Variants in SYNPO2 observed in about 807,000 individuals in gnomAD.
The protein encoded by SYNPO2 is synaptopodin-2.
In SYNPO2, 56 loss-of-function variants were observed where a neutral mutation model predicts 85.0. The observed-to-expected ratio is 0.66, with a 90% CI of 0.53 to 0.82. SYNPO2 has a LOEUF of 0.82. SYNPO2 is among the 40% of genes least tolerant of loss of function. The pLI is 0.00. For missense variants in SYNPO2, 1,575 were observed against 1,534.2 expected (o/e 1.03, Z -0.44); for synonymous variants, 602 against 591.1 (o/e 1.02, Z -0.27).
At chr4:119,036,274 T>C in intron 4 of SYNPO2, 5 of 985,434 alleles carry the variant, frequency 5.1e-6, no homozygotes, top group Non-Finnish European at 6.0e-6. Flanking sequence ...CTCTTTAAAA[T>C]CAGGGTTGTT....
chr4:118,935,994 A>G (rs1383920137), intron 1 of SYNPO2, among the ~76,000 whole-genome samples: 1 of 152,140 alleles, frequency 6.6e-6, no homozygotes, highest in East Asian at 1.9e-4. Context: ...CAGAAGGGGA[A>G]GCAGGAGAGG....
chr4:118,938,291 G>T (rs1197576135), intron 1 of SYNPO2, among the ~76,000 whole-genome samples: 1 of 152,134 alleles, frequency 6.6e-6, no homozygotes. Flanking sequence ...CTGTACTCCA[G>T]TCTGGCTGAC....
chr4:118,924,231 G>A (rs1733638327), intron 1 of SYNPO2, among the ~76,000 whole-genome samples: 2 of 152,134 alleles, frequency 1.3e-5, no homozygotes, highest in African/African-American at 4.8e-5. Flanking sequence ...CCTTATTCCA[G>A]GACTGTACAT....
At chr4:118,946,769 A>G (rs542489037) in intron 1 of SYNPO2, among the ~76,000 whole-genome samples, 2 of 152,258 alleles carry the variant, frequency 1.3e-5, no homozygotes, top group Non-Finnish European at 2.9e-5. Context: ...CAAATCCAAG[A>G]TAAAATAATT....
chr4:118,940,088 C>T (rs1267463476), intron 1 of SYNPO2, among the ~76,000 whole-genome samples: 2 of 150,864 alleles, frequency 1.3e-5, no homozygotes, highest in Non-Finnish European at 2.9e-5. Context: ...CGGGTTCAAG[C>T]GATTCTCCTG....
At chr4:119,029,152 C>A (rs368007462) in intron 3 of SYNPO2, among the ~76,000 whole-genome samples, 4 of 151,870 alleles carry the variant, frequency 2.6e-5, no homozygotes, top group African/African-American at 9.7e-5. Flanking sequence ...AACTTTGTAG[C>A]TAGAGTTTCT....
rs552320338 is a variant in SYNPO2, at chr4:119,003,422, G to A, written c.106-20008G>A. On this transcript the variant is annotated intron_variant, in intron 1 of 4. Transcript: ENST00000307142. Reference sequence around the variant, plus strand: ...TACAATTTGAGATGAGATTTGGGTGGGAACACAGAGCCAAACCATATCACT... The same window carrying A: ...TACAATTTGAGATGAGATTTGGGTGAGAACACAGAGCCAAACCATATCACT... Among the ~76,000 whole-genome samples, 41 of 152,232 alleles carry A rather than the reference G, an allele frequency of 2.7e-4. 1 individual carries two copies. Among genetic ancestry groups the A allele is most frequent in the South Asian group, 1.0e-3 (5 of 4,822 alleles).
chr4:118,986,056 A>G (rs115317282), intron 1 of SYNPO2, among the ~76,000 whole-genome samples: 2 of 152,208 alleles, frequency 1.3e-5, no homozygotes, highest in African/African-American at 2.4e-5. Context: ...ATGTGACTCT[A>G]TGAAAGAAAC....
At chr4:118,900,892 C>T (rs1406790812) in intron 1 of SYNPO2, among the ~76,000 whole-genome samples, 2 of 151,342 alleles carry the variant, frequency 1.3e-5, no homozygotes, top group Non-Finnish European at 2.9e-5. Flanking sequence ...ACTTCATATA[C>T]TTTTGAGAAC....
At chr4:118,906,307 A>G (rs1298893250) in intron 1 of SYNPO2, among the ~76,000 whole-genome samples, 3 of 152,198 alleles carry the variant, frequency 2.0e-5, no homozygotes, top group Admixed American at 6.6e-5. Context: ...TTAATGTAAT[A>G]GTATGTAGTA....
intron 1 of SYNPO2, among the ~76,000 whole-genome samples, chr4:118,876,658 CCTTCCTTTCTCTTT>C (rs1731914919): frequency 2.0e-5 from 3 of 148,346 alleles, no homozygotes; most frequent in Non-Finnish European, 4.5e-5. Flanking sequence ...TTCCTTCCTT[CCTTCCTTTCTCTTT>C]CTTTCTTTCT....
At chr4:118,865,143 T>C (rs917902491) in intron 1 of SYNPO2, among the ~76,000 whole-genome samples, 4 of 152,162 alleles carry the variant, frequency 2.6e-5, no homozygotes, top group African/African-American at 9.7e-5. Context: ...GCCACAGCTA[T>C]TGCTGGAGTC....
intron 1 of SYNPO2, among the ~76,000 whole-genome samples, chr4:118,914,900 A>G (rs1399608548): frequency 1.3e-5 from 2 of 152,000 alleles, no homozygotes; most frequent in South Asian, 4.2e-4. Context: ...GTTGGAAAGG[A>G]TTAGAATTCA....
chr4:118,919,350 C>T (rs1463226715), intron 1 of SYNPO2, among the ~76,000 whole-genome samples: 2 of 152,078 alleles, frequency 1.3e-5, no homozygotes, highest in Non-Finnish European at 2.9e-5. Flanking sequence ...AGTCACTGTA[C>T]TTAGCCATAC....
At chr4:118,955,225 C>G (rs1441239818) in intron 1 of SYNPO2, among the ~76,000 whole-genome samples, 1 of 152,140 alleles carries the variant, frequency 6.6e-6, no homozygotes, top group Non-Finnish European at 1.5e-5. Flanking sequence ...GTCTCAAACT[C>G]CTGGCCTCAA....
At chr4:118,887,867 A>G (rs376643402), upstream of SYNPO2, among the ~76,000 whole-genome samples, 4 of 152,222 alleles carry the variant, frequency 2.6e-5, no homozygotes, top group Non-Finnish European at 5.9e-5. Context: ...ACCACAAGTA[A>G]CACAAACAAA....
intron 1 of SYNPO2, among the ~76,000 whole-genome samples, chr4:118,869,197 C>T (rs1451848385): frequency 1.3e-5 from 2 of 152,126 alleles, no homozygotes; most frequent in East Asian, 1.9e-4. Flanking sequence ...GCTGGGATTA[C>T]AGGCACGCGC....
chr4:118,932,784 C>T (rs755078860), intron 1 of SYNPO2, among the ~76,000 whole-genome samples: 2 of 152,288 alleles, frequency 1.3e-5, no homozygotes, highest in African/African-American at 4.8e-5. Flanking sequence ...TCATTGGGAT[C>T]GTTGTATTGA....
At chr4:118,915,656 C>T (rs915785860) in intron 1 of SYNPO2, among the ~76,000 whole-genome samples, 12 of 152,024 alleles carry the variant, frequency 7.9e-5, no homozygotes, top group Non-Finnish European at 1.3e-4. Flanking sequence ...AACATGTTTC[C>T]TCTTGTACAT....
Sources: allele counts gnomAD v4.1 joint callset (sites outside exome capture counted in the v4.1 genomes callset), GRCh38; gene constraint gnomAD v4.1.1; transcripts MANE v1.5; gene names NCBI Gene and HGNC (gene_info 2026-07-23, HGNC 2026-07-21).